APBA2: variants seen among roughly 807,000 people sequenced by gnomAD.
APBA2 encodes amyloid-beta A4 precursor protein-binding family A member 2.
A neutral mutation model predicts 75.0 loss-of-function variants in APBA2; 30 were observed. The ratio of observed to expected loss-of-function variants is 0.40; its 90% CI spans 0.30 to 0.54. The LOEUF (loss-of-function observed/expected upper bound fraction) is 0.54. APBA2 is among the 20% of genes least tolerant of loss of function. The probability of loss-of-function intolerance (pLI) is 0.49; values close to 1 mark genes in which losing one functional copy is unlikely to be tolerated. For missense variants in APBA2, 801 were observed against 1,016.1 expected (o/e 0.79, Z 2.88); for synonymous variants, 444 against 409.6 (o/e 1.08, Z -1.01).
chr15:28,986,400 A>G lies in APBA2; in HGVS notation c.-94-9353A>G, dbSNP rs191126268. ...GTGTTGCAGTGGATGCCTGTTTCGT[A>G]GGAACACTCAGCCTGTTCCGTAAGA... On this transcript the variant is annotated intron_variant, in intron 2 of 14. Transcript: ENST00000683413. Among the ~76,000 whole-genome samples, 244 of 152,306 alleles carry G rather than the reference A, an allele frequency of 1.6e-3. 1 individual carries two copies. Among genetic ancestry groups the G allele is most frequent in the Non-Finnish European group, 1.5e-3 (101 of 68,030 alleles).
chr15:29,073,302 G>A (rs1343941615), intron 4 of APBA2, among the ~76,000 whole-genome samples: 1 of 152,204 alleles, frequency 6.6e-6, no homozygotes, highest in African/African-American at 2.4e-5. Flanking sequence ...AATATTCATT[G>A]TGTACACAAG....
At chr15:29,027,182 T>C (rs1312511393) in intron 3 of APBA2, among the ~76,000 whole-genome samples, 3 of 152,232 alleles carry the variant, frequency 2.0e-5, no homozygotes, top group African/African-American at 7.2e-5. Context: ...ATAAAATAAA[T>C]TGCTTCAGCT....
chr15:29,078,819 T>A (rs1323571811), intron 6 of APBA2, among the ~76,000 whole-genome samples: 1 of 152,070 alleles, frequency 6.6e-6, no homozygotes, highest in Non-Finnish European at 1.5e-5. Flanking sequence ...AGGGCTGAAG[T>A]CCACACCAGC....
At chr15:28,943,199 G>A (rs1375779142) in intron 2 of APBA2, among the ~76,000 whole-genome samples, 5 of 152,312 alleles carry the variant, frequency 3.3e-5, no homozygotes, top group South Asian at 2.1e-4. Flanking sequence ...CCTCAACAGC[G>A]TGAACATACT....
intron 3 of APBA2, among the ~76,000 whole-genome samples, chr15:29,014,121 C>T (rs562917557): frequency 4.5e-4 from 68 of 152,276 alleles, no homozygotes; most frequent in African/African-American, 1.6e-3. Flanking sequence ...TTGGAGAATC[C>T]CCACAGACTG....
intron 2 of APBA2, among the ~76,000 whole-genome samples, chr15:28,927,933 C>A (rs931388572): frequency 1.3e-5 from 2 of 151,082 alleles, no homozygotes; most frequent in African/African-American, 4.8e-5. Flanking sequence ...CACCTGAGGT[C>A]GGGTGTTTGA....
chr15:29,078,625 C>G (rs1420079730), intron 6 of APBA2, among the ~76,000 whole-genome samples: 6 of 147,574 alleles, frequency 4.1e-5, no homozygotes, highest in Admixed American at 2.0e-4. Flanking sequence ...AAAAAAAAAA[C>G]AAAACAAAAA....
chr15:29,000,877 G>C (rs1277185248), intron 3 of APBA2, among the ~76,000 whole-genome samples: 1 of 152,202 alleles, frequency 6.6e-6, no homozygotes, highest in Non-Finnish European at 1.5e-5. Flanking sequence ...TGTGTGAAAT[G>C]AGTAGGATTT....
intron 6 of APBA2, among the ~76,000 whole-genome samples, chr15:29,090,055 C>T (rs1402412475): frequency 6.6e-6 from 1 of 152,220 alleles, no homozygotes; most frequent in African/African-American, 2.4e-5. Context: ...ACCATGCCGC[C>T]CCCACTGGAC....
intron 2 of APBA2, among the ~76,000 whole-genome samples, chr15:28,952,623 C>T (rs1383949285): frequency 7.2e-5 from 11 of 152,176 alleles, no homozygotes; most frequent in Non-Finnish European, 1.6e-4. Context: ...CCCAGCCACC[C>T]CTGTGAAACC....
chr15:28,886,842 G>T (rs2031772183), intron 1 of APBA2, among the ~76,000 whole-genome samples: 1 of 152,236 alleles, frequency 6.6e-6, no homozygotes, highest in Non-Finnish European at 1.5e-5. Flanking sequence ...CAGGTGCCCG[G>T]TTGGGGGCAC....
At chr15:28,998,191 CTTCTTT>C (rs1294654963) in intron 3 of APBA2, among the ~76,000 whole-genome samples, 4 of 146,062 alleles carry the variant, frequency 2.7e-5, no homozygotes, top group Admixed American at 1.4e-4. Flanking sequence ...TTTTCTTATT[CTTCTTT>C]TTCTTTTTTT....
intron 2 of APBA2, among the ~76,000 whole-genome samples, chr15:28,945,286 A>G (rs1200418192): frequency 2.0e-5 from 3 of 146,714 alleles, no homozygotes; most frequent in African/African-American, 8.0e-5. Flanking sequence ...AGGACATCTC[A>G]GGGTGACCTT....
intron 3 of APBA2, among the ~76,000 whole-genome samples, chr15:29,028,319 A>G (rs1390596956): frequency 2.0e-5 from 3 of 152,170 alleles, no homozygotes; most frequent in African/African-American, 4.8e-5. Flanking sequence ...ATGTTTCTGC[A>G]AAGGATATGA....
chr15:28,985,261 C>T (rs1416513194), intron 2 of APBA2, among the ~76,000 whole-genome samples: 3 of 152,202 alleles, frequency 2.0e-5, no homozygotes, highest in Non-Finnish European at 2.9e-5. Context: ...TCAGCATGTT[C>T]TGGGCCAGGG....
chr15:28,996,229 C>T (rs369641945), intron 3 of APBA2, among the ~76,000 whole-genome samples: 2 of 152,200 alleles, frequency 1.3e-5, no homozygotes, highest in African/African-American at 4.8e-5. Context: ...ATAGGTAGCA[C>T]TCGAACCTTT....
intron 2 of APBA2, among the ~76,000 whole-genome samples, chr15:28,965,500 A>G (rs941933173): frequency 2.0e-5 from 3 of 152,210 alleles, no homozygotes; most frequent in South Asian, 2.1e-4. Context: ...GTTTGTTTGC[A>G]TCTACAAAAT....
chr15:29,062,565 G>A (rs1485176302), intron 4 of APBA2, among the ~76,000 whole-genome samples: 1 of 152,138 alleles, frequency 6.6e-6, no homozygotes, highest in Non-Finnish European at 1.5e-5. Context: ...TGTCACCATG[G>A]GTGGCTGTTA....
rs149286003 is a variant in APBA2, at chr15:28,948,818, A to G, written c.-95+27069A>G. ...AAGCAGTTGTTTGGGAATGAGCCAC[A>G]TGGTGGAATATCTTGAATGTCCCAG... On this transcript the variant is annotated intron_variant, in intron 2 of 14. Coordinates refer to ENST00000683413, the MANE Select transcript of APBA2 (RefSeq NM_001353788.2). 7.4e-3 allele frequency among the ~76,000 whole-genome samples: 1,131 copies of G among 152,118 alleles called. 2 individuals carry two copies. Among genetic ancestry groups the G allele is most frequent in the Non-Finnish European group, 0.012 (825 of 67,998 alleles).
Sources: allele counts gnomAD v4.1 joint callset (sites outside exome capture counted in the v4.1 genomes callset), GRCh38; gene constraint gnomAD v4.1.1; transcripts MANE v1.5; gene names NCBI Gene and HGNC (gene_info 2026-07-23, HGNC 2026-07-21).